CDH13: variants seen among roughly 807,000 people sequenced by gnomAD.
CDH13 encodes cadherin-13.
In CDH13, 24 loss-of-function variants were observed where a neutral mutation model predicts 63.8. The ratio of observed to expected loss-of-function variants is 0.38; its 90% confidence interval spans 0.27 to 0.53. CDH13 has a LOEUF of 0.53. Ranked by LOEUF, CDH13 falls within the 20% of genes least tolerant of loss-of-function variation. The pLI is 0.85. For missense variants in CDH13, 1,049 were observed against 903.1 expected (o/e 1.16, Z -2.07); for synonymous variants, 503 against 355.3 (o/e 1.42, Z -4.67).
At chr16:83,605,824 G>A (rs143339752) in intron 8 of CDH13, among the ~76,000 whole-genome samples, 52 of 152,346 alleles carry the variant, frequency 3.4e-4, no homozygotes, top group Middle Eastern at 3.4e-3. Flanking sequence ...CCTTTAAAGT[G>A]ACATATGAAT....
intron 1 of CDH13, among the ~76,000 whole-genome samples, chr16:82,648,711 T>C (rs954654559): frequency 2.6e-5 from 4 of 152,252 alleles, no homozygotes; most frequent in African/African-American, 9.6e-5. Context: ...TCTCCATTGA[T>C]ACACTTGCGT....
intron 4 of CDH13, among the ~76,000 whole-genome samples, chr16:83,185,043 A>G (rs2038475681): frequency 6.6e-6 from 1 of 151,970 alleles, no homozygotes; most frequent in Non-Finnish European, 1.5e-5. Context: ...CTATCTATAT[A>G]TTTATGATCT....
At chr16:83,556,783 C>G (rs1222897496) in intron 7 of CDH13, among the ~76,000 whole-genome samples, 1 of 152,246 alleles carries the variant, frequency 6.6e-6, no homozygotes, top group Non-Finnish European at 1.5e-5. Flanking sequence ...GCACCCCACA[C>G]TTCACGCCAC....
At chr16:83,339,737 T>A (rs1443996850) in intron 5 of CDH13, among the ~76,000 whole-genome samples, 1 of 151,922 alleles carries the variant, frequency 6.6e-6, no homozygotes, top group African/African-American at 2.4e-5. Flanking sequence ...CCCCTCCACC[T>A]CTCCCACCAG....
chr16:82,765,735 T>C (rs2035031365), intron 1 of CDH13, among the ~76,000 whole-genome samples: 1 of 152,192 alleles, frequency 6.6e-6, no homozygotes, highest in Non-Finnish European at 1.5e-5. Flanking sequence ...TTTCACAGTC[T>C]AACTCTCTGA....
intron 1 of CDH13, among the ~76,000 whole-genome samples, chr16:82,802,014 GGGC>G (rs2036880649): frequency 1.3e-5 from 2 of 152,180 alleles, no homozygotes; most frequent in Non-Finnish European, 2.9e-5. Flanking sequence ...TGGGCGGGTG[GGGC>G]TCAGTTCCGT....
chr16:83,580,488 C>CTCTCTCTA, intron 7 of CDH13, among the ~76,000 whole-genome samples: 1 of 116,486 alleles, frequency 8.6e-6, no homozygotes, highest in East Asian at 2.1e-4. Context: ...CTCTCTCTCT[C>CTCTCTCTA]TCTCTCTCTC....
At chr16:83,360,295 C>A (rs928371679) in intron 6 of CDH13, among the ~76,000 whole-genome samples, 1 of 152,150 alleles carries the variant, frequency 6.6e-6, no homozygotes, top group Non-Finnish European at 1.5e-5. Context: ...GAAAATACAT[C>A]TGTGTTCTGT....
intron 2 of CDH13, among the ~76,000 whole-genome samples, chr16:83,007,962 C>G (rs1164812938): frequency 6.6e-6 from 1 of 152,094 alleles, no homozygotes; most frequent in African/African-American, 2.4e-5. Flanking sequence ...CTCAATTGTT[C>G]CTACCTACCT....
chr16:83,246,251 C>A (rs1448552713), intron 5 of CDH13, among the ~76,000 whole-genome samples: 1 of 152,124 alleles, frequency 6.6e-6, no homozygotes, highest in Non-Finnish European at 1.5e-5. Context: ...TAAAAATTCA[C>A]CTGTGGGAAA....
At chr16:82,716,404 C>G (rs1486030650) in intron 1 of CDH13, among the ~76,000 whole-genome samples, 2 of 151,802 alleles carry the variant, frequency 1.3e-5, no homozygotes, top group African/African-American at 4.8e-5. Flanking sequence ...CTGACGGATT[C>G]ATCTCTCCCA....
intron 1 of CDH13, among the ~76,000 whole-genome samples, chr16:82,849,073 C>A (rs528862087): frequency 6.6e-6 from 1 of 152,258 alleles, no homozygotes; most frequent in East Asian, 1.9e-4. Context: ...CAAACCAAAG[C>A]CTAATCCTGA....
Position 83,045,492 on chromosome 16 carries a change from C to G in CDH13, c.366+13274C>G, listed in dbSNP as rs567346827. 9.0e-4 allele frequency among the ~76,000 whole-genome samples: 137 copies of G among 151,984 alleles called. 3 individuals are homozygous for G. The Middle Eastern group carries it at 0.01, about 11-fold the overall frequency. ...TCTCTACTAAAAATACAAAAATTAT[C>G]CAGGCGTGGTGGCAGGTGCCTGTAA... On this transcript the variant is annotated intron_variant, in intron 3 of 13. Transcript: ENST00000567109.
chr16:83,041,290 T>C (rs1917310466), intron 3 of CDH13, among the ~76,000 whole-genome samples: 1 of 152,126 alleles, frequency 6.6e-6, no homozygotes, highest in Non-Finnish European at 1.5e-5. Context: ...AAAGGCTAAA[T>C]TTAAGGCTCG....
At chr16:83,146,470 C>T (rs918194918) in intron 4 of CDH13, among the ~76,000 whole-genome samples, 4 of 151,732 alleles carry the variant, frequency 2.6e-5, no homozygotes, top group Non-Finnish European at 5.9e-5. Context: ...TGGTTACAAG[C>T]TGCCTGCAGC....
At position 82,951,176 on chromosome 16, in the gene CDH13, T is replaced by C. The variant is rs184386925; in HGVS notation, c.158-80834T>C. On this transcript the variant is annotated intron_variant, in intron 2 of 13. Transcript: ENST00000567109. The stretch of plus-strand genomic sequence containing the variant: ...GTGCTTGTGTACATGTGTGAGGATT[T>C]TGTCCTCTACAAAAGTCAGTGGAAT... 3.3e-5 allele frequency among the ~76,000 whole-genome samples: 5 copies of C among 152,222 alleles called. No individual in the cohort carries two copies. The East Asian group carries it at 7.7e-4, about 24-fold the overall frequency.
At chr16:83,353,179 A>G (rs1208446084) in intron 6 of CDH13, among the ~76,000 whole-genome samples, 1 of 152,268 alleles carries the variant, frequency 6.6e-6, no homozygotes, top group Non-Finnish European at 1.5e-5. Flanking sequence ...ACTCTGCCAC[A>G]TGTCCGTGTA....
At chr16:83,404,245 G>C (rs962397421) in intron 6 of CDH13, among the ~76,000 whole-genome samples, 2 of 152,166 alleles carry the variant, frequency 1.3e-5, no homozygotes, top group African/African-American at 4.8e-5. Flanking sequence ...CCTGCAGAGA[G>C]CCAACAAAAT....
At chr16:83,712,957 T>G (rs1279188195) in intron 10 of CDH13, among the ~76,000 whole-genome samples, 2 of 152,270 alleles carry the variant, frequency 1.3e-5, no homozygotes, top group African/African-American at 4.8e-5. Context: ...AGTACGATTC[T>G]GAGCCACGTT....
Sources: allele counts gnomAD v4.1 joint callset (sites outside exome capture counted in the v4.1 genomes callset), GRCh38; gene constraint gnomAD v4.1.1; transcripts MANE v1.5; gene names NCBI Gene and HGNC (gene_info 2026-07-23, HGNC 2026-07-21).